Variants in PLCL2 observed in about 807,000 individuals in gnomAD.
PLCL2 encodes the protein inactive phospholipase C-like protein 2.
In PLCL2, 4 loss-of-function variants were observed where a neutral mutation model predicts 79.6. The ratio of observed to expected loss-of-function variants is 0.05; its 90% CI spans 0.02 to 0.11. PLCL2 has a LOEUF of 0.11. Among genes scored for constraint, PLCL2 ranks in the 10% least tolerant of loss-of-function variants. PLCL2 has a pLI of 1.00. For missense variants in PLCL2, 895 were observed against 1,291.0 expected (o/e 0.69, Z 4.70); for synonymous variants, 484 against 457.7 (o/e 1.06, Z -0.73).
At chr3:16,952,604 T>C (rs142158783) in intron 1 of PLCL2, among the ~76,000 whole-genome samples, 2,070 of 152,138 alleles carry the variant, frequency 0.014, 20 homozygotes, top group Non-Finnish European at 0.023. Context: ...GGCATCTTTA[T>C]TTAATAAAGC....
At chr3:16,929,612 C>CGTT (rs1251390781) in intron 1 of PLCL2, among the ~76,000 whole-genome samples, 1 of 152,112 alleles carries the variant, frequency 6.6e-6, no homozygotes, top group Non-Finnish European at 1.5e-5. Flanking sequence ...TTCTGCTGAC[C>CGTT]GTTGATGTGC....
At chr3:16,929,069 C>T (rs370590306) in intron 1 of PLCL2, among the ~76,000 whole-genome samples, 25 of 354 alleles carry the variant, frequency 0.071, no homozygotes, top group African/African-American at 0.17. Context: ...TGGCTTTGAA[C>T]GTACACCACA....
intron 4 of PLCL2, among the ~76,000 whole-genome samples, chr3:17,052,236 CAA>C (rs35316797): frequency 0.047 from 4,528 of 97,206 alleles, 118 homozygotes; most frequent in Admixed American, 0.15. Flanking sequence ...GTGAATATGG[CAA>C]AAAAAAAAAA....
At chr3:16,958,805 G>C (rs1209619380) in intron 1 of PLCL2, among the ~76,000 whole-genome samples, 2 of 152,202 alleles carry the variant, frequency 1.3e-5, no homozygotes, top group Non-Finnish European at 2.9e-5. Context: ...ATCTGTGTCA[G>C]GAGCAATGAT....
At chr3:17,015,845 G>A (rs753758945) in intron 3 of PLCL2, among the ~76,000 whole-genome samples, 4 of 152,190 alleles carry the variant, frequency 2.6e-5, no homozygotes, top group Non-Finnish European at 2.9e-5. Context: ...TTCATAAGTT[G>A]TCTGAAAGCT....
At chr3:17,064,503 C>T (rs1216340343) in intron 4 of PLCL2, among the ~76,000 whole-genome samples, 1 of 152,128 alleles carries the variant, frequency 6.6e-6, no homozygotes, top group African/African-American at 2.4e-5. Flanking sequence ...ATGTGAAGTG[C>T]CTGGTAAGTT....
chr3:16,903,025 G>T (rs1035361446), intron 1 of PLCL2, among the ~76,000 whole-genome samples: 2 of 152,048 alleles, frequency 1.3e-5, no homozygotes, highest in Non-Finnish European at 2.9e-5. Context: ...AATGTAATTG[G>T]GATCTGGCTC....
Position 17,010,386 on chromosome 3 carries a change from T to G in PLCL2, c.1040T>G (p.Leu347Arg), listed in dbSNP as rs2064308822. ...TGTACTAGACCTGAAATTTATTTCC[T>G]TTTAGTTCAGTTTTCAAGCAATAAA... ...ELCTRPEIYF[L>R]LVQFSSNKEF... The change falls in exon 2 of 6, where the codon CTT becomes CGT. Residue 347 changes from leucine to arginine, a missense_variant. Transcript: ENST00000615277. The surrounding 1 kb of genome is among the most constrained non-coding windows in gnomAD (Gnocchi z 5.8). The G allele has an allele frequency of 6.2e-7, 1 of 1,613,890 alleles. No homozygotes were observed.
At chr3:16,903,689 T>A (rs1042683461) in intron 1 of PLCL2, among the ~76,000 whole-genome samples, 2 of 152,184 alleles carry the variant, frequency 1.3e-5, no homozygotes, top group African/African-American at 4.8e-5. Context: ...AGCAAAGTCA[T>A]GTGTTATATG....
At chr3:16,901,098 T>C (rs1189906339) in intron 1 of PLCL2, among the ~76,000 whole-genome samples, 1 of 152,232 alleles carries the variant, frequency 6.6e-6, no homozygotes, top group African/African-American at 2.4e-5. Context: ...CACTGCTTAT[T>C]TTGATAAGGC....
chr3:17,071,645 T>C (rs1378714038), intron 5 of PLCL2, among the ~76,000 whole-genome samples: 1 of 152,192 alleles, frequency 6.6e-6, no homozygotes, highest in East Asian at 1.9e-4. Context: ...TCATACTTTT[T>C]TTCACACTTT....
intron 1 of PLCL2, among the ~76,000 whole-genome samples, chr3:16,966,045 C>G (rs1311422276): frequency 6.6e-6 from 1 of 152,048 alleles, no homozygotes; most frequent in Non-Finnish European, 1.5e-5. Context: ...CCAGAACTTC[C>G]AACACTATGT....
intron 1 of PLCL2, among the ~76,000 whole-genome samples, chr3:16,920,377 CATT>C (rs1368014082): frequency 6.6e-6 from 1 of 151,884 alleles, no homozygotes; most frequent in African/African-American, 2.4e-5. Flanking sequence ...TATAATAAGG[CATT>C]ATTAGTATTG....
chr3:17,050,432 C>G (rs1407642613), intron 4 of PLCL2, among the ~76,000 whole-genome samples: 1 of 149,826 alleles, frequency 6.7e-6, no homozygotes, highest in Non-Finnish European at 1.5e-5. Flanking sequence ...ATAAGGAGCT[C>G]AAACAACTCT....
chr3:16,894,122 A>AT (rs1028029082), intron 1 of PLCL2, among the ~76,000 whole-genome samples: 2 of 152,038 alleles, frequency 1.3e-5, no homozygotes, highest in South Asian at 2.1e-4. Flanking sequence ...GCTACCTTTT[A>AT]TTTTTTATTC....
rs546843817 is a variant in PLCL2, at chr3:16,887,514, G to A, written c.327+2148G>A. On this transcript the variant is annotated intron_variant, in intron 1 of 5. Transcript: ENST00000615277. The surrounding 1 kb of genome is among the most constrained non-coding windows in gnomAD (Gnocchi z 4.1). ...CACTTTGCATTTTCTTAAAACTTTC[G>A]AAAATTATGGAAGTAGTGTTGAAAG... 3.9e-5 allele frequency among the ~76,000 whole-genome samples: 6 copies of A among 152,180 alleles called. No individual in the cohort carries two copies. Among genetic ancestry groups the A allele is most frequent in the African/African-American group, 9.6e-5 (4 of 41,524 alleles).
intron 1 of PLCL2, among the ~76,000 whole-genome samples, chr3:16,990,629 G>T (rs542922607): frequency 3.5e-4 from 54 of 152,140 alleles, no homozygotes; most frequent in Non-Finnish European, 7.2e-4. Flanking sequence ...AAAAATCTTA[G>T]TTAGGTCAGC....
chr3:16,898,243 C>G (rs57825991), intron 1 of PLCL2, among the ~76,000 whole-genome samples: 2,443 of 152,118 alleles, frequency 0.016, 71 homozygotes, highest in African/African-American at 0.055. Flanking sequence ...TTTACGTATT[C>G]TAAATGGGAG....
At chr3:16,908,870 G>A (rs1306257473) in intron 1 of PLCL2, among the ~76,000 whole-genome samples, 4 of 152,136 alleles carry the variant, frequency 2.6e-5, no homozygotes, top group African/African-American at 9.7e-5. Flanking sequence ...AATATATAAT[G>A]TATCAACATA....
Sources: gnomAD v4.1 joint callset for allele counts (sites outside exome capture counted in the v4.1 genomes callset) on GRCh38, gnomAD v4.1.1 for gene constraint, Gnocchi (gnomAD v3.1) non-coding constraint, MANE v1.5 for transcripts, NCBI Gene and HGNC (gene_info 2026-07-23, HGNC 2026-07-21) for gene names.